Variants in BCAS4 observed in about 807,000 individuals in gnomAD.
BCAS4 encodes the protein breast carcinoma amplified sequence 4, also known as breast carcinoma-amplified sequence 4.
BCAS4 carries 9 observed loss-of-function variants against 15.7 expected under a neutral mutation model. That is an observed-to-expected ratio of 0.57 (90% CI 0.34 to 1.00). The LOEUF (loss-of-function observed/expected upper bound fraction) is 1.00. Ranked by LOEUF, BCAS4 falls within the 50% of genes least tolerant of loss-of-function variation. The pLI is 0.02. For missense variants in BCAS4, 225 were observed against 239.1 expected, an observed-to-expected ratio of 0.94 and a Z score of 0.39; for synonymous variants, 101 against 99.5, an observed-to-expected ratio of 1.02 and a Z score of -0.09.
intron 4 of BCAS4, among the ~76,000 whole-genome samples, chr20:50,861,846 CTTTTTTTTTTT>C (rs773052138): frequency 1.4e-4 from 15 of 109,252 alleles, no homozygotes; most frequent in African/African-American, 5.1e-4. Context: ...TCTTCTTCTC[CTTTTTTTTTTT>C]TTTTTTTTTT....
At chr20:50,836,939 G>A (rs1189789957) in intron 3 of BCAS4, among the ~76,000 whole-genome samples, 4 of 151,996 alleles carry the variant, frequency 2.6e-5, no homozygotes, top group Non-Finnish European at 5.9e-5. Flanking sequence ...GAACTCCTGG[G>A]TCAAGCAATC....
At position 50,851,588 on chromosome 20, in the gene BCAS4, C is replaced by T. The variant is rs533401595; in HGVS notation, c.399+9688C>T. 3.4e-4 allele frequency among the ~76,000 whole-genome samples: 52 copies of T among 152,268 alleles called. No homozygotes were observed. The highest frequency in any genetic ancestry group is 1.2e-3 in the African/African-American group (49 of 41,546). ...GTTTGTTGGGCCCTATGTGGAAGCACCCCAACTTTGCCCTGGTTGGTGGGA... is the reference window on the plus strand; with the variant it reads ...GTTTGTTGGGCCCTATGTGGAAGCATCCCAACTTTGCCCTGGTTGGTGGGA... On this transcript the variant is annotated intron_variant, in intron 4 of 4. Coordinates refer to ENST00000371608, the MANE Select transcript of BCAS4 (RefSeq NM_198799.4). This position sits in a 1 kb window ranked among gnomAD's most constrained non-coding sequence, Gnocchi z 4.3.
At chr20:50,835,647 T>C (rs931374987) in intron 3 of BCAS4, among the ~76,000 whole-genome samples, 1 of 152,124 alleles carries the variant, frequency 6.6e-6, no homozygotes, top group African/African-American at 2.4e-5. Flanking sequence ...TCCCCATTCC[T>C]TTCTGGGAGC....
At chr20:50,806,070 G>A (rs891303921) in intron 1 of BCAS4, among the ~76,000 whole-genome samples, 2 of 152,122 alleles carry the variant, frequency 1.3e-5, no homozygotes, top group Admixed American at 1.3e-4. Context: ...TACCTGCATG[G>A]CTTCGGTGTC....
chr20:50,839,825 T>C (rs866732666), intron 3 of BCAS4, among the ~76,000 whole-genome samples: 1 of 152,232 alleles, frequency 6.6e-6, no homozygotes, highest in Non-Finnish European at 1.5e-5. Context: ...ATACTGTTTT[T>C]AATCCCCATT....
At chr20:50,864,962 G>T (rs960726247) in intron 4 of BCAS4, among the ~76,000 whole-genome samples, 6 of 151,766 alleles carry the variant, frequency 4.0e-5, no homozygotes, top group Admixed American at 6.6e-5. Flanking sequence ...GCATGGTGGC[G>T]CATGCCTGTA....
At chr20:50,817,111 T>C (rs1209966602) in intron 1 of BCAS4, among the ~76,000 whole-genome samples, 1 of 151,914 alleles carries the variant, frequency 6.6e-6, no homozygotes, top group Non-Finnish European at 1.5e-5. Context: ...TAATTTTTTT[T>C]TTTTTTTAAA....
chr20:50,813,208 G>A (rs1371114626), intron 1 of BCAS4, among the ~76,000 whole-genome samples: 1 of 152,192 alleles, frequency 6.6e-6, no homozygotes, highest in Admixed American at 6.6e-5. Context: ...CAGAGCAGCT[G>A]CACAATTGTA....
chr20:50,836,907 C>T (rs1277532087), intron 3 of BCAS4, among the ~76,000 whole-genome samples: 1 of 152,034 alleles, frequency 6.6e-6, no homozygotes, highest in East Asian at 1.9e-4. Flanking sequence ...TGGAATTTTG[C>T]CATGTTGCTC....
rs540039642 is a variant in BCAS4, at chr20:50,869,706, A to G, written c.400-6780A>G. On this transcript the variant is annotated intron_variant, in intron 4 of 4. Coordinates refer to ENST00000371608, the MANE Select transcript of BCAS4 (RefSeq NM_198799.4). ...GGAGAACAGATTGAATTCAGAGGCA[A>G]ACTATGGTCTAGGGATCAAATCTGG... is the stretch of plus-strand genomic sequence containing the variant. Among the ~76,000 whole-genome samples, 25 of 150,808 alleles carry G rather than the reference A, an allele frequency of 1.7e-4. No individual in the cohort carries two copies. In the East Asian group the frequency reaches 4.5e-3, roughly 27 times the overall value.
At chr20:50,803,083 G>C (rs1347963479) in intron 1 of BCAS4, among the ~76,000 whole-genome samples, 2 of 151,364 alleles carry the variant, frequency 1.3e-5, no homozygotes, top group Admixed American at 1.3e-4. Context: ...CGGGAGGCTG[G>C]GGCATGAGAA....
At chr20:50,843,821 C>T (rs1001620756) in intron 4 of BCAS4, among the ~76,000 whole-genome samples, 20 of 152,192 alleles carry the variant, frequency 1.3e-4, no homozygotes, top group Non-Finnish European at 2.5e-4. Context: ...TGACCATTCC[C>T]GAGTGACATT....
Position 50,830,263 on chromosome 20 carries a change from G to C in BCAS4, c.163-16G>C. ...GATGGGGCAGAAGGCCTGATGAGCT[G>C]TTTTGTTCCTTGCAGATCAGGAGTG... On this transcript the variant is annotated splice_polypyrimidine_tract_variant and intron_variant, in intron 2 of 4. Coordinates refer to ENST00000371608, the MANE Select transcript of BCAS4 (RefSeq NM_198799.4). 6.2e-7 allele frequency: 1 copy of C among 1,608,426 alleles called. No individual in the cohort carries two copies. The highest frequency in any genetic ancestry group is 8.5e-7 in the Non-Finnish European group (1 of 1,174,816).
At chr20:50,882,208 G>C in the BCAS4 span, 2 of 152,552 alleles carry the variant, frequency 1.3e-5, no homozygotes, top group Non-Finnish European at 2.9e-5. Flanking sequence ...GGGGTTGCGG[G>C]GGGAAATGTC....
intron 3 of BCAS4, chr20:50,840,820 G>T: frequency 9.8e-7 from 1 of 1,023,766 alleles, no homozygotes; most frequent in Non-Finnish European, 1.5e-6. Context: ...GGCCACCACT[G>T]AGTTGTCCAA....
chr20:50,841,693 GC>G, intron 3 of BCAS4, 72 bp from the exon 4 acceptor site: 1 of 1,606,096 alleles, frequency 6.2e-7, no homozygotes, highest in Non-Finnish European at 8.5e-7. Context: ...GTCCCCACCA[GC>G]CCAGGGAGTG....
intron 2 of BCAS4, among the ~76,000 whole-genome samples, chr20:50,822,436 T>C (rs1202792411): frequency 6.6e-6 from 1 of 152,148 alleles, no homozygotes; most frequent in Non-Finnish European, 1.5e-5. Context: ...ACAAATAGTT[T>C]CCATCTCCAA....
At chr20:50,848,626 CT>C in intron 4 of BCAS4, among the ~76,000 whole-genome samples, 1 of 152,338 alleles carries the variant, frequency 6.6e-6, no homozygotes, top group East Asian at 1.9e-4. Context: ...ATTTGCTTCA[CT>C]TGGCAAGAAA....
rs146295231 is a variant in BCAS4 at position 50,863,426 on chromosome 20, T to G, written c.400-13060T>G. Among the ~76,000 whole-genome samples, 90 of 151,692 alleles carry G rather than the reference T, an allele frequency of 5.9e-4. No homozygotes were observed. In the East Asian group the frequency reaches 0.018, roughly 30 times the overall value. ...GTGCGTGCCACTATGCCTGGCTATT[T>G]TTTGTATTTTTAATAGAGATGGGGT... On this transcript the variant is annotated intron_variant, in intron 4 of 4. Coordinates refer to ENST00000371608, the MANE Select transcript of BCAS4 (RefSeq NM_198799.4).
Sources: allele counts gnomAD v4.1 joint callset (sites outside exome capture counted in the v4.1 genomes callset), GRCh38; gene constraint gnomAD v4.1.1; non-coding constraint Gnocchi (gnomAD v3.1); transcripts MANE v1.5; gene names NCBI Gene and HGNC (gene_info 2026-07-23, HGNC 2026-07-21).